The following TTPAL variants were observed in gnomAD, a reference collection of about 807,000 sequenced individuals.
TTPAL encodes alpha-tocopherol transfer protein-like.
TTPAL carries 21 observed loss-of-function variants against 28.7 expected under a neutral mutation model. The ratio of observed to expected loss-of-function variants is 0.73; its 90% CI spans 0.52 to 1.06. The LOEUF (loss-of-function observed/expected upper bound fraction) is 1.06. Ranked by LOEUF, TTPAL falls within the 50% of genes least tolerant of loss-of-function variation. The pLI is 0.00. For missense variants in TTPAL, 345 were observed against 425.5 expected, an observed-to-expected ratio of 0.81 and a Z score of 1.67; for synonymous variants, 169 against 171.9, an observed-to-expected ratio of 0.98 and a Z score of 0.13.
chr20:44,484,588 G>A lies in TTPAL; in HGVS notation c.639+58G>A, dbSNP rs992011501. On this transcript the variant is annotated intron_variant, in intron 3 of 4. Transcript: ENST00000262605. Reference sequence around the variant, plus strand: ...GTGGCTCTGGCTTTCCCCAGGGCCTGTCCATTTACTGTGGGTCTCACATGA... The same window carrying A: ...GTGGCTCTGGCTTTCCCCAGGGCCTATCCATTTACTGTGGGTCTCACATGA... 7 of 1,353,230 alleles carry A rather than the reference G, an allele frequency of 5.2e-6. No homozygotes were observed. The African/African-American group carries it at 8.6e-5, about 17-fold the overall frequency. The allele number at this position is 1,353,230 out of a possible 1,614,324, so 83.8% of individuals were successfully genotyped here.
At position 44,486,706 on chromosome 20, in the gene TTPAL, A is replaced by G. The variant is rs753048706; in HGVS notation, c.750A>G (p.Arg250=). Residue 250 remains arginine, a splice_region_variant and synonymous_variant, in exon 4 of 5, where the codon AGA becomes AGG. Coordinates refer to ENST00000262605, the MANE Select transcript of TTPAL (RefSeq NM_001039199.3). ...KPFLKEKIAN[R]FFLHGSDLNS... is the part of the protein sequence containing the mutation. ...TTCTAAAGGAGAAAATAGCAAACAG[A>G]GTAAGTGATGATCCTATTGACTTCA... 8 of 1,548,348 alleles carry G rather than the reference A, an allele frequency of 5.2e-6. No individual in the cohort carries two copies. In the South Asian group the frequency reaches 7.9e-5, roughly 15 times the overall value.
At position 44,478,979 on chromosome 20, in the gene TTPAL, T is replaced by C. The variant is rs566749521; in HGVS notation, c.-15-1006T>C. Reference sequence around the variant, plus strand: ...TAATTTTTTGTATTTTTAGTAGAGATGGGGTTTCACCGCGTTAGCGAGGAT... The same window carrying C: ...TAATTTTTTGTATTTTTAGTAGAGACGGGGTTTCACCGCGTTAGCGAGGAT... On this transcript the variant is annotated intron_variant, in intron 1 of 4. Coordinates refer to ENST00000262605, the MANE Select transcript of TTPAL (RefSeq NM_001039199.3). Among the ~76,000 whole-genome samples, 8 of 152,202 alleles carry C rather than the reference T, an allele frequency of 5.3e-5. No individual in the cohort carries two copies. The South Asian group carries it at 1.0e-3, about 20-fold the overall frequency.
chr20:44,491,297 C>T lies in TTPAL; in HGVS notation c.*1756C>T, dbSNP rs3092118. ...GCCTTAGCCCAAACATCAAATTAGACGGTTCACATGATGGTTTTTGACCTA... is the reference window on the plus strand; with the variant it reads ...GCCTTAGCCCAAACATCAAATTAGATGGTTCACATGATGGTTTTTGACCTA... On this transcript the variant is annotated 3_prime_UTR_variant, in exon 5 of 5. Transcript: ENST00000262605. The T allele has an allele frequency of 0.38, 58,064 of 151,712 alleles. 13,318 individuals carry two copies. Among genetic ancestry groups the T allele is most frequent in the Non-Finnish European group, 0.53 (36,120 of 67,888 alleles). 9.4% of individuals were successfully genotyped at this position (151,712 alleles called of 1,614,324 possible). A position where few individuals can be genotyped will look rare whatever the true frequency, so the allele number is the denominator to read the frequency against.
At chr20:44,479,068 C>T (rs1272546018) in intron 1 of TTPAL, among the ~76,000 whole-genome samples, 3 of 152,248 alleles carry the variant, frequency 2.0e-5, no homozygotes, top group Admixed American at 6.5e-5. Flanking sequence ...GGATTACAGG[C>T]GTGAGCCACC....
chr20:44,482,011 T>C (rs1019592938), intron 2 of TTPAL, among the ~76,000 whole-genome samples: 1 of 152,184 alleles, frequency 6.6e-6, no homozygotes, highest in African/African-American at 2.4e-5. Flanking sequence ...GCTTGTGAGA[T>C]GAATTTTTTC....
chr20:44,484,602 G>C (rs2064135879), intron 3 of TTPAL, 72 bp downstream of exon 3: 1 of 1,166,038 alleles, frequency 8.6e-7, no homozygotes, highest in South Asian at 1.8e-5. Flanking sequence ...ATTTACTGTG[G>C]GTCTCACATG....
At chr20:44,477,381 TC>T (rs971419362) in intron 1 of TTPAL, among the ~76,000 whole-genome samples, 3 of 152,188 alleles carry the variant, frequency 2.0e-5, no homozygotes, top group African/African-American at 7.2e-5. Flanking sequence ...GCGCTGGGTT[TC>T]AGGTGATGAA....
Position 44,492,376 on chromosome 20 carries a change from A to C in TTPAL, c.*2835A>C, listed in dbSNP as rs1390260158. The C allele has an allele frequency of 1.3e-5, 2 of 152,338 alleles. No homozygotes were observed. Among genetic ancestry groups the C allele is most frequent in the Non-Finnish European group, 2.9e-5 (2 of 68,040 alleles). The allele number at this position is 152,338 out of a possible 1,614,324, so 9.4% of individuals were successfully genotyped here. A position where few individuals can be genotyped will look rare whatever the true frequency, so the allele number is the denominator to read the frequency against. ...AACACTTGGAAATTAACTTTTCCCT[A>C]AATTCAAGATAGTGTGGTGTCGGAA... On this transcript the variant is annotated 3_prime_UTR_variant, in exon 5 of 5. Coordinates refer to ENST00000262605, the MANE Select transcript of TTPAL (RefSeq NM_001039199.3).
chr20:44,478,275 T>C (rs570424725), intron 1 of TTPAL, among the ~76,000 whole-genome samples: 1 of 152,344 alleles, frequency 6.6e-6, no homozygotes, highest in South Asian at 2.1e-4. Context: ...GTGATGCAGA[T>C]CAGCTCCTGT....
chr20:44,485,587 G>C (rs1324064405), intron 3 of TTPAL, among the ~76,000 whole-genome samples: 1 of 152,096 alleles, frequency 6.6e-6, no homozygotes, highest in African/African-American at 2.4e-5. Flanking sequence ...TGGTGCACCA[G>C]GTTTATTATT....
At chr20:44,489,194 C>A (rs973726083) in intron 4 of TTPAL, 69 bp from the exon 5 acceptor site, 5 of 1,507,886 alleles carry the variant, frequency 3.3e-6, no homozygotes, top group Non-Finnish European at 4.5e-6. Context: ...TGAGCACCTA[C>A]CATGGAGGAG....
intron 2 of TTPAL, among the ~76,000 whole-genome samples, chr20:44,482,493 A>G (rs2064115132): frequency 6.7e-6 from 1 of 150,224 alleles, no homozygotes; most frequent in African/African-American, 2.5e-5. Flanking sequence ...GAATCGCTTG[A>G]ACCCGGGAGG....
intron 3 of TTPAL, chr20:44,486,135 C>G (rs1318468027): frequency 6.6e-6 from 1 of 152,060 alleles, no homozygotes; most frequent in Non-Finnish European, 1.5e-5. Context: ...GGCTGGAGTA[C>G]AGTGACACGA....
intron 3 of TTPAL, 85 bp from the exon 4 acceptor site, chr20:44,486,511 G>T (rs1360149309): frequency 1.2e-6 from 1 of 823,202 alleles, no homozygotes; most frequent in Non-Finnish European, 2.1e-6. Context: ...CTGATGTTGG[G>T]GCTGAAAGTG....
intron 1 of TTPAL, among the ~76,000 whole-genome samples, chr20:44,477,559 T>C (rs565827225): frequency 6.6e-6 from 1 of 152,358 alleles, no homozygotes; most frequent in South Asian, 2.1e-4. Flanking sequence ...AATGGTCTGC[T>C]TCAGTCCTCA....
chr20:44,484,902 C>T (rs2064138400), intron 3 of TTPAL, among the ~76,000 whole-genome samples: 1 of 152,164 alleles, frequency 6.6e-6, no homozygotes, highest in African/African-American at 2.4e-5. Flanking sequence ...CACTTGAGGT[C>T]AGGAGTTTGA....
intron 3 of TTPAL, 106 bp downstream of exon 3, chr20:44,484,636 C>T (rs952754363): frequency 6.4e-6 from 5 of 781,848 alleles, no homozygotes; most frequent in East Asian, 2.5e-5. Context: ...ACATCCCACA[C>T]CTGCAATCTG....
At chr20:44,485,801 G>A (rs1203994440) in intron 3 of TTPAL, 1 of 152,206 alleles carries the variant, frequency 6.6e-6, no homozygotes, top group Non-Finnish European at 1.5e-5. Flanking sequence ...TTTGGGAAAT[G>A]CTGTATAGCA....
chr20:44,479,906 T>A lies in TTPAL; in HGVS notation c.-15-79T>A, dbSNP rs553343553. 53 of 1,214,240 alleles carry A rather than the reference T, an allele frequency of 4.4e-5. No individual in the cohort carries two copies. The East Asian group carries it at 1.2e-3, about 29-fold the overall frequency. The allele number at this position is 1,214,240 out of a possible 1,614,324, so 75.2% of individuals were successfully genotyped here. A position where few individuals can be genotyped will look rare whatever the true frequency, so the allele number is the denominator to read the frequency against. ...AGGTTACTCGGTTTTTACAGAAGTG[T>A]TCCTGTCCCCTACACTGTACTGCCC... On this transcript the variant is annotated intron_variant, in intron 1 of 4. Transcript: ENST00000262605.
Sources: allele counts gnomAD v4.1 joint callset (sites outside exome capture counted in the v4.1 genomes callset), GRCh38; gene constraint gnomAD v4.1.1; transcripts MANE v1.5; gene names NCBI Gene and HGNC (gene_info 2026-07-23, HGNC 2026-07-21).